ECSIT: variants seen among roughly 807,000 people sequenced by gnomAD.
ECSIT encodes the protein ECSIT signaling integrator.
ECSIT carries 29 observed loss-of-function variants against 36.8 expected under a neutral mutation model. The ratio of observed to expected loss-of-function variants is 0.79; its 90% CI spans 0.59 to 1.08. The LOEUF is 1.08. Among genes scored for constraint, ECSIT ranks in the 50% least tolerant of loss-of-function variants. The pLI, the probability that ECSIT is intolerant of heterozygous loss-of-function variation, is 0.00. For synonymous variants in ECSIT, 231 were observed against 234.8 expected, an observed-to-expected ratio of 0.98 and a Z score of 0.15; for missense variants, 542 against 581.0, an observed-to-expected ratio of 0.93 and a Z score of 0.69.
chr19:11,514,952 C>A (rs1971959851), intron 2 of ECSIT, among the ~76,000 whole-genome samples: 1 of 151,864 alleles, frequency 6.6e-6, no homozygotes, highest in Non-Finnish European at 1.5e-5. Flanking sequence ...GATTCTCATG[C>A]CTCAGCCTCC....
Position 11,523,765 on chromosome 19 carries a change from T to A in ECSIT, c.-23-4572A>T, listed in dbSNP as rs550856931. ...TGGTTGGTTGCAGTTGTGTAGTAGT[T>A]AAGGACTATGGCAAGGAGTCTCAGG... On this transcript the variant is annotated intron_variant, in intron 1 of 7. Coordinates refer to ENST00000270517, the MANE Select transcript of ECSIT (RefSeq NM_016581.5). 970 of 676,836 alleles carry A rather than the reference T, an allele frequency of 1.4e-3. 5 individuals are homozygous for A. The highest frequency in any genetic ancestry group is 2.4e-3 in the Non-Finnish European group (888 of 364,868). The allele number at this position is 676,836 out of a possible 1,614,324, so 41.9% of individuals were successfully genotyped here.
chr19:11,508,122 A>G lies in ECSIT; in HGVS notation c.739-74T>C. On this transcript the variant is annotated intron_variant, in intron 4 of 7. Coordinates refer to ENST00000270517, the MANE Select transcript of ECSIT (RefSeq NM_016581.5). ...GAGGAACTGGGGACAGAGAAACAGAAAGGGGGATACCAGGGAATTCAGGAC... is the reference window on the plus strand; with the variant it reads ...GAGGAACTGGGGACAGAGAAACAGAGAGGGGGATACCAGGGAATTCAGGAC... 3.2e-6 allele frequency: 5 copies of G among 1,565,208 alleles called. No individual in the cohort carries two copies. In the South Asian group the frequency reaches 5.6e-5, roughly 17 times the overall value.
At chr19:11,513,610 GA>G (rs1266439834) in intron 3 of ECSIT, among the ~76,000 whole-genome samples, 193 bp downstream of exon 3, 1 of 113,662 alleles carries the variant, frequency 8.8e-6, no homozygotes, top group African/African-American at 3.4e-5. Flanking sequence ...GAGAGGGAGG[GA>G]GGGGGGAGGG....
Position 11,514,141 on chromosome 19 carries a change from C to T in ECSIT, c.177G>A (p.Pro59=), listed in dbSNP as rs143232799. 5.0e-6 allele frequency: 8 copies of T among 1,613,866 alleles called. No homozygotes were observed. The highest frequency in any genetic ancestry group is 1.1e-5 in the South Asian group (1 of 91,068). ...SSEQSLVPSP[P]EPRQRPTKAL... is the part of the protein sequence containing the mutation. ...CCTTGGTGGGCCTCTGCCGGGGTTC[C>T]GGTGGGCTGGGAACCAGGGACTGTT... Residue 59 remains proline (P), a synonymous_variant, in exon 3 of 8, where the codon CCG becomes CCA. Transcript: ENST00000270517.
rs1047481897 is a variant in ECSIT, at chr19:11,506,077, G to C, written c.*107C>G. The stretch of plus-strand genomic sequence containing the variant: ...CCATACTGCTAGAGATGAGGGAAGA[G>C]AGCCCCAAGCAGGAAAACATTGATT... On this transcript the variant is annotated 3_prime_UTR_variant, in exon 8 of 8. Coordinates refer to ENST00000270517, the MANE Select transcript of ECSIT (RefSeq NM_016581.5). 6.6e-6 allele frequency: 10 copies of C among 1,503,996 alleles called. No individual in the cohort carries two copies. Among genetic ancestry groups the C allele is most frequent in the African/African-American group, 5.5e-5 (4 of 72,536 alleles). 93.2% of individuals were successfully genotyped at this position (1,503,996 alleles called of 1,614,324 possible).
intron 1 of ECSIT, among the ~76,000 whole-genome samples, chr19:11,524,369 A>C (rs1200553627): frequency 5.9e-5 from 9 of 152,122 alleles, no homozygotes; most frequent in Admixed American, 1.3e-4. Flanking sequence ...TAAAAGTATA[A>C]AAATTAGCTG....
At position 11,519,041 on chromosome 19, in the gene ECSIT, C is replaced by T; in HGVS notation, c.96+34G>A. 1 of 1,530,784 alleles carries T rather than the reference C, an allele frequency of 6.5e-7. No homozygotes were observed. The highest frequency in any genetic ancestry group is 2.5e-5 in the East Asian group (1 of 40,806). 94.8% of individuals were successfully genotyped at this position (1,530,784 alleles called of 1,614,324 possible). A position where few individuals can be genotyped will look rare whatever the true frequency, so the allele number is the denominator to read the frequency against. On this transcript the variant is annotated intron_variant, in intron 2 of 7. Coordinates refer to ENST00000270517, the MANE Select transcript of ECSIT (RefSeq NM_016581.5). The surrounding 1 kb of genome is among the most constrained non-coding windows in gnomAD (Gnocchi z 4.4). ...TGGGAGCAAATCCCAAGCTTACCTCCCTCTACCCAAAAGACTGCCTGGCTG... is the reference window on the plus strand; with the variant it reads ...TGGGAGCAAATCCCAAGCTTACCTCTCTCTACCCAAAAGACTGCCTGGCTG...
rs369692935 is a variant in ECSIT at position 11,513,195 on chromosome 19, A to T, written c.599T>A (p.Leu200Gln). ...KSYPMLKLVR[L>Q]KLWFPRFMNV... is the part of the protein sequence containing the mutation. Reference sequence around the variant, plus strand: ...CATGAATCGAGGGAACCACAGCTTCAGGCGCACCAACTTGAGCATGGGGTA... The same window carrying T: ...CATGAATCGAGGGAACCACAGCTTCTGGCGCACCAACTTGAGCATGGGGTA... The change falls in exon 4 of 8, where the codon CTG (leucine) becomes CAG (glutamine). Residue 200 changes from leucine (L) to glutamine (Q), a missense_variant. Coordinates refer to ENST00000270517, the MANE Select transcript of ECSIT (RefSeq NM_016581.5). 14 of 1,614,074 alleles carry T rather than the reference A, an allele frequency of 8.7e-6. No individual in the cohort carries two copies. Among genetic ancestry groups the T allele is most frequent in the Non-Finnish European group, 1.0e-5 (12 of 1,180,048 alleles).
chr19:11,524,570 C>T (rs1446223180), intron 1 of ECSIT, among the ~76,000 whole-genome samples: 2 of 151,434 alleles, frequency 1.3e-5, no homozygotes, highest in South Asian at 2.1e-4. Flanking sequence ...CTGGGCACAG[C>T]GGCTCATGCT....
chr19:11,518,461 A>C (rs1972040704), intron 2 of ECSIT, among the ~76,000 whole-genome samples: 1 of 151,956 alleles, frequency 6.6e-6, no homozygotes, highest in South Asian at 2.1e-4. Context: ...TGGTGGCTCA[A>C]ATCAGTGATC....
intron 1 of ECSIT, chr19:11,522,586 T>C: frequency 1.6e-6 from 1 of 608,846 alleles, no homozygotes; most frequent in Non-Finnish European, 2.9e-6. Flanking sequence ...TGGTGGTACA[T>C]GCCTGTAATC....
chr19:11,518,969 GC>G, intron 2 of ECSIT, 105 bp downstream of exon 2: 1 of 936,614 alleles, frequency 1.1e-6, no homozygotes, highest in Non-Finnish European at 1.7e-6. Flanking sequence ...TGATAGGCCA[GC>G]CCAGACTCAC....
chr19:11,523,656 C>G (rs1216554166), intron 1 of ECSIT: 1 of 778,112 alleles, frequency 1.3e-6, no homozygotes, highest in African/African-American at 1.7e-5. Context: ...AGCACCAAAT[C>G]AACTTAATTA....
At position 11,513,824 on chromosome 19, in the gene ECSIT, AG is replaced by A; in HGVS notation, c.493del (p.Leu165TrpfsTer9). On this transcript the variant is annotated frameshift_variant, in exon 3 of 8. Coordinates refer to ENST00000270517, the MANE Select transcript of ECSIT (RefSeq NM_016581.5). LOFTEE classifies it high-confidence loss of function. The part of the protein sequence containing the change: ...PRQQECGIAV[L>X]EQMENHGVMP... The stretch of plus-strand genomic sequence containing the variant: ...CTCACCGTGGTTCTCCATCTGCTCC[AG>A]GACAGCAATCCCACACTCCTGCTGC... The A allele has an allele frequency of 6.2e-7, 1 of 1,614,092 alleles. No homozygotes were observed. The highest frequency in any genetic ancestry group is 8.5e-7 in the Non-Finnish European group (1 of 1,180,026).
intron 7 of ECSIT, among the ~76,000 whole-genome samples, chr19:11,507,064 C>G (rs550075313): frequency 1.6e-4 from 25 of 152,290 alleles, no homozygotes; most frequent in African/African-American, 6.0e-4. Flanking sequence ...CACCCAGTAG[C>G]CAGCACAGAG....
At chr19:11,516,152 G>A (rs886181661) in intron 2 of ECSIT, 1 of 152,164 alleles carries the variant, frequency 6.6e-6, no homozygotes, top group Admixed American at 6.6e-5. Context: ...TCCAACCTGG[G>A]TCAGTTCACA....
At chr19:11,506,695 G>A (rs1405556986) in intron 7 of ECSIT, among the ~76,000 whole-genome samples, 1 of 151,914 alleles carries the variant, frequency 6.6e-6, no homozygotes, top group African/African-American at 2.4e-5. Context: ...GCACCACGCC[G>A]GGCTAATTTT....
intron 1 of ECSIT, among the ~76,000 whole-genome samples, chr19:11,526,939 C>G (rs774693556): frequency 8.6e-5 from 13 of 151,820 alleles, no homozygotes; most frequent in Non-Finnish European, 1.6e-4. Context: ...AGGGTGGTCT[C>G]GAACTCCTGA....
intron 1 of ECSIT, chr19:11,523,750 C>G (rs1419309636): frequency 1.5e-6 from 1 of 680,650 alleles, no homozygotes; most frequent in African/African-American, 1.8e-5. Flanking sequence ...TGGTTGGTTG[C>G]AGTTGTGTAG....
Sources: allele counts gnomAD v4.1 joint callset (sites outside exome capture counted in the v4.1 genomes callset), GRCh38; gene constraint gnomAD v4.1.1; non-coding constraint Gnocchi (gnomAD v3.1); transcripts MANE v1.5; gene names NCBI Gene and HGNC (gene_info 2026-07-23, HGNC 2026-07-21).